Variants in GABRG3 observed in about 807,000 individuals in gnomAD.
The protein encoded by GABRG3 is gamma-aminobutyric acid type A receptor subunit gamma3.
In GABRG3, 25 loss-of-function variants were observed where a neutral mutation model predicts 48.8. The observed-to-expected ratio is 0.51, with a 90% CI of 0.37 to 0.72. The LOEUF (loss-of-function observed/expected upper bound fraction) is 0.72. Among genes scored for constraint, GABRG3 ranks in the 30% least tolerant of loss-of-function variants. The probability of loss-of-function intolerance (pLI) is 0.00; values close to 1 mark genes in which losing one functional copy is unlikely to be tolerated. For missense variants in GABRG3, 394 were observed against 577.9 expected, an observed-to-expected ratio of 0.68 and a Z score of 3.26; for synonymous variants, 227 against 217.6, an observed-to-expected ratio of 1.04 and a Z score of -0.38.
chr15:27,473,063 AGCAAGAAT>A (rs1889833278), intron 5 of GABRG3, among the ~76,000 whole-genome samples: 1 of 152,166 alleles, frequency 6.6e-6, no homozygotes, highest in Non-Finnish European at 1.5e-5. Flanking sequence ...CATATTTTTA[AGCAAGAAT>A]GCTTTTCTTG....
At chr15:27,132,471 G>GGTTT (rs778222775) in intron 3 of GABRG3, among the ~76,000 whole-genome samples, 1,124 of 39,542 alleles carry the variant, frequency 0.028, 326 homozygotes, top group Non-Finnish European at 0.04. Flanking sequence ...AGTAGTTACA[G>GGTTT]TTTTTTTTTT....
At chr15:27,139,739 G>A (rs1431982915) in intron 3 of GABRG3, among the ~76,000 whole-genome samples, 1 of 152,160 alleles carries the variant, frequency 6.6e-6, no homozygotes, top group Non-Finnish European at 1.5e-5. Flanking sequence ...CCCAAGAAAT[G>A]TGTTTTGTAT....
At position 27,220,444 on chromosome 15, in the gene GABRG3, C is replaced by T. The variant is rs184160856; in HGVS notation, c.271-106365C>T. On this transcript the variant is annotated intron_variant, in intron 3 of 9. Coordinates refer to ENST00000615808, the MANE Select transcript of GABRG3 (RefSeq NM_033223.5). ...GGTCACCAGGGTAAGCCACAGTATG[C>T]GGGGCCAGATTAGCAAGAGTGATGG... 1.4e-4 allele frequency among the ~76,000 whole-genome samples: 22 copies of T among 152,174 alleles called. 1 individual carries two copies. The East Asian group carries it at 3.7e-3, about 25-fold the overall frequency.
chr15:27,333,340 C>T (rs1158072106), intron 5 of GABRG3, among the ~76,000 whole-genome samples: 2 of 152,162 alleles, frequency 1.3e-5, no homozygotes, highest in African/African-American at 2.4e-5. Flanking sequence ...GCACCATTGC[C>T]GCCTGGAGTC....
In GABRG3 at chr15:27,527,951, T is replaced by C. The variant is rs768829453; in HGVS notation, c.1081T>C (p.Ser361Pro). Residue 361 changes from serine (S) to proline (P), a missense_variant, in exon 9 of 10, where the codon TCA becomes CCA. Coordinates refer to ENST00000615808, the MANE Select transcript of GABRG3 (RefSeq NM_033223.5). ...KTTSLLHPDS[S>P]RWIPERISLQ... The stretch of plus-strand genomic sequence containing the variant: ...CTTGTAGTTACTACATCCAGATTCC[T>C]CAAGATGGATTCCTGAGCGAATAAG... The C allele has an allele frequency of 1.0e-5, 16 of 1,592,894 alleles. No individual in the cohort carries two copies. The East Asian group carries it at 3.4e-4, about 34-fold the overall frequency.
intron 3 of GABRG3, among the ~76,000 whole-genome samples, chr15:27,132,471 GTTTTTTTTTTTTTTTT>G (rs59023766): frequency 2.5e-5 from 1 of 39,594 alleles, no homozygotes; most frequent in Non-Finnish European, 4.8e-5. Flanking sequence ...AGTAGTTACA[GTTTTTTTTTTTTTTTT>G]TTTTTTTTTT....
chr15:27,128,784 T>C (rs1897865722), intron 3 of GABRG3, among the ~76,000 whole-genome samples: 1 of 152,174 alleles, frequency 6.6e-6, no homozygotes, highest in African/African-American at 2.4e-5. Context: ...GGGGTTCTCC[T>C]ACTATTCCTA....
intron 3 of GABRG3, among the ~76,000 whole-genome samples, chr15:27,278,897 T>C (rs899775432): frequency 6.6e-6 from 1 of 152,322 alleles, no homozygotes; most frequent in Non-Finnish European, 1.5e-5. Flanking sequence ...ACTACCAAGC[T>C]GTTTCCCAGA....
chr15:27,425,529 T>G (rs866306460), intron 5 of GABRG3, among the ~76,000 whole-genome samples: 23 of 151,580 alleles, frequency 1.5e-4, no homozygotes, highest in African/African-American at 5.1e-4. Context: ...GAGAATGATG[T>G]CAACCCTGGA....
intron 2 of GABRG3, among the ~76,000 whole-genome samples, chr15:27,004,920 C>A (rs1895553460): frequency 6.6e-6 from 1 of 152,190 alleles, no homozygotes; most frequent in Admixed American, 6.5e-5. Context: ...AATATGTCTA[C>A]AGGCAGTTGG....
At chr15:26,997,574 T>G (rs1895365607) in intron 2 of GABRG3, among the ~76,000 whole-genome samples, 2 of 152,200 alleles carry the variant, frequency 1.3e-5, no homozygotes, top group Non-Finnish European at 2.9e-5. Flanking sequence ...GAAGGCAACT[T>G]CAGATGTATT....
intron 3 of GABRG3, among the ~76,000 whole-genome samples, chr15:27,195,897 G>T (rs1475123429): frequency 6.6e-6 from 1 of 152,164 alleles, no homozygotes; most frequent in African/African-American, 2.4e-5. Flanking sequence ...AGCCTCCCAA[G>T]GTGCTGGGAT....
intron 3 of GABRG3, among the ~76,000 whole-genome samples, chr15:27,256,558 G>A (rs927276518): frequency 1.3e-5 from 2 of 152,086 alleles, no homozygotes; most frequent in East Asian, 1.9e-4. Flanking sequence ...CAGACATTTC[G>A]GGGTGCCAGC....
intron 3 of GABRG3, among the ~76,000 whole-genome samples, chr15:27,126,966 C>G (rs1238818178): frequency 2.6e-5 from 4 of 152,148 alleles, no homozygotes; most frequent in Non-Finnish European, 5.9e-5. Context: ...CAGGCACCTA[C>G]AGACCTCATG....
At chr15:27,300,070 A>G (rs1014619815) in intron 3 of GABRG3, among the ~76,000 whole-genome samples, 1 of 152,162 alleles carries the variant, frequency 6.6e-6, no homozygotes, top group Non-Finnish European at 1.5e-5. Flanking sequence ...AGGAGCACAC[A>G]AATCTTTCAA....
At chr15:26,985,549 G>C (rs1170422632) in intron 2 of GABRG3, among the ~76,000 whole-genome samples, 1 of 152,146 alleles carries the variant, frequency 6.6e-6, no homozygotes, top group Non-Finnish European at 1.5e-5. Flanking sequence ...GCACAGTTGA[G>C]TTGCCTTAGA....
At chr15:27,334,936 C>T (rs1893915406) in intron 5 of GABRG3, among the ~76,000 whole-genome samples, 1 of 152,164 alleles carries the variant, frequency 6.6e-6, no homozygotes, top group Non-Finnish European at 1.5e-5. Flanking sequence ...AAAAGCTTGT[C>T]ATGAGGTTGA....
At chr15:27,438,201 C>G (rs1888676885) in intron 5 of GABRG3, among the ~76,000 whole-genome samples, 1 of 152,308 alleles carries the variant, frequency 6.6e-6, no homozygotes, top group South Asian at 2.1e-4. Flanking sequence ...CCAGGTTCCA[C>G]TCTCCTGAAA....
intron 3 of GABRG3, among the ~76,000 whole-genome samples, chr15:27,224,660 G>A (rs1351859078): frequency 1.3e-5 from 2 of 152,318 alleles, no homozygotes; most frequent in African/African-American, 2.4e-5. Context: ...CCACAGTCAC[G>A]ACTTATGATG....
Sources: gnomAD v4.1 joint callset for allele counts (sites outside exome capture counted in the v4.1 genomes callset) on GRCh38, gnomAD v4.1.1 for gene constraint, MANE v1.5 for transcripts, NCBI Gene and HGNC (gene_info 2026-07-23, HGNC 2026-07-21) for gene names.